Variants in TNIK observed in about 807,000 individuals in gnomAD.
TNIK encodes the protein TRAF2 and NCK interacting kinase.
In TNIK, 49 loss-of-function variants were observed where a neutral mutation model predicts 191.3. The observed-to-expected ratio is 0.26, with a 90% confidence interval of 0.20 to 0.32. TNIK has a LOEUF of 0.32. Ranked by LOEUF, TNIK falls within the 10% of genes least tolerant of loss-of-function variation. The pLI is 1.00. For synonymous variants in TNIK, 594 were observed against 600.9 expected, an observed-to-expected ratio of 0.99 and a Z score of 0.17; for missense variants, 1,155 against 1,702.3, an observed-to-expected ratio of 0.68 and a Z score of 5.66.
intron 2 of TNIK, among the ~76,000 whole-genome samples, chr3:171,333,818 A>T (rs1319851001): frequency 6.6e-6 from 1 of 152,152 alleles, no homozygotes; most frequent in African/African-American, 2.4e-5. Flanking sequence ...CGTGCTCAGC[A>T]CTCAGTTACT....
At chr3:171,123,746 T>G (rs1466830124) in intron 17 of TNIK, 44 bp from the exon 18 acceptor site, 4 of 1,461,094 alleles carry the variant, frequency 2.7e-6, no homozygotes, top group Non-Finnish European at 3.7e-6. Context: ...TAAAGTAGCT[T>G]CCATAGCCTG....
At chr3:171,349,201 C>A (rs1443189194) in intron 2 of TNIK, among the ~76,000 whole-genome samples, 1 of 152,106 alleles carries the variant, frequency 6.6e-6, no homozygotes, top group African/African-American at 2.4e-5. Context: ...ACTTCCACCA[C>A]CAATCTACTG....
chr3:171,210,171 G>A (rs1165743782), intron 4 of TNIK, among the ~76,000 whole-genome samples: 1 of 152,190 alleles, frequency 6.6e-6, no homozygotes, highest in Non-Finnish European at 1.5e-5. Flanking sequence ...AGCGGGGAAG[G>A]AGGGACGGAA....
At chr3:171,264,233 C>T (rs1560341309) in intron 2 of TNIK, among the ~76,000 whole-genome samples, 1 of 151,594 alleles carries the variant, frequency 6.6e-6, no homozygotes, top group Non-Finnish European at 1.5e-5. Context: ...CTATGACCCT[C>T]ACTGAACTTA....
chr3:171,258,102 T>C (rs1421773984), intron 2 of TNIK, among the ~76,000 whole-genome samples: 1 of 152,132 alleles, frequency 6.6e-6, no homozygotes, highest in East Asian at 1.9e-4. Flanking sequence ...TGAAGAATAA[T>C]GACAGCAAAA....
chr3:171,375,833 C>G (rs1479023466), intron 1 of TNIK, among the ~76,000 whole-genome samples: 1 of 152,182 alleles, frequency 6.6e-6, no homozygotes, highest in Non-Finnish European at 1.5e-5. Context: ...TGACACGGAT[C>G]ATGAGCAAAT....
chr3:171,365,927 C>T (rs1447109940), intron 2 of TNIK, among the ~76,000 whole-genome samples: 1 of 152,172 alleles, frequency 6.6e-6, no homozygotes, highest in East Asian at 1.9e-4. Flanking sequence ...CCGTAATAAC[C>T]AATCTATATT....
chr3:171,284,686 TTG>T (rs1279351645), intron 2 of TNIK, among the ~76,000 whole-genome samples: 4 of 152,238 alleles, frequency 2.6e-5, no homozygotes, highest in Non-Finnish European at 5.9e-5. Flanking sequence ...TTTGCCTTTG[TTG>T]TTTCCCTCAA....
chr3:171,396,161 C>T lies in TNIK; in HGVS notation c.58-26476G>A, dbSNP rs570618642. ...AGCAATCAGTCATCTACTTTCTCTA[C>T]GGAGTTCTCTGTCCTGGACATTCCA... On this transcript the variant is annotated intron_variant, in intron 1 of 32. Transcript: ENST00000436636. 2.9e-4 allele frequency among the ~76,000 whole-genome samples: 43 copies of T among 150,158 alleles called. No individual in the cohort carries two copies. In the East Asian group the frequency reaches 4.7e-3, roughly 16 times the overall value.
chr3:171,150,468 C>T (rs1190883020), intron 12 of TNIK, among the ~76,000 whole-genome samples: 2 of 152,256 alleles, frequency 1.3e-5, no homozygotes, highest in African/African-American at 4.8e-5. Context: ...ATGCAAGAAG[C>T]TTGTTATTCA....
chr3:171,449,592 C>A lies in TNIK; in HGVS notation c.57+10415G>T, dbSNP rs996369591. On this transcript the variant is annotated intron_variant, in intron 1 of 32. Coordinates refer to ENST00000436636, the MANE Select transcript of TNIK (RefSeq NM_015028.4). ...TTTAAAAAAAATCTATTTATCCATG[C>A]ATAGGAAAAAACTACTAAGCCATAC... is the stretch of plus-strand genomic sequence containing the variant. 2.7e-3 allele frequency among the ~76,000 whole-genome samples: 413 copies of A among 151,302 alleles called. 4 individuals carry two copies. The highest frequency in any genetic ancestry group is 9.8e-3 in the African/African-American group (398 of 40,784).
intron 2 of TNIK, among the ~76,000 whole-genome samples, chr3:171,299,676 T>A (rs1240290163): frequency 6.6e-6 from 1 of 152,206 alleles, no homozygotes; most frequent in East Asian, 1.9e-4. Context: ...ACAAGTCAGA[T>A]AGGTTTCCCA....
intron 22 of TNIK, among the ~76,000 whole-genome samples, chr3:171,098,589 A>T (rs1008976758): frequency 6.6e-6 from 1 of 152,314 alleles, no homozygotes; most frequent in Middle Eastern, 3.4e-3. Context: ...CAGAAACCAC[A>T]GCTGTTTGTC....
intron 2 of TNIK, among the ~76,000 whole-genome samples, chr3:171,253,777 T>C (rs1029300854): frequency 2.0e-5 from 3 of 152,210 alleles, no homozygotes; most frequent in African/African-American, 7.2e-5. Context: ...CTAGCCACTC[T>C]TTCCCTTAAA....
intron 1 of TNIK, among the ~76,000 whole-genome samples, chr3:171,443,464 A>G (rs1439897456): frequency 1.3e-5 from 2 of 152,196 alleles, no homozygotes; most frequent in East Asian, 3.9e-4. Flanking sequence ...AACTGCTCCA[A>G]ACTTAGTTCC....
chr3:171,258,630 T>C (rs1354338150), intron 2 of TNIK, among the ~76,000 whole-genome samples: 2 of 152,148 alleles, frequency 1.3e-5, no homozygotes, highest in African/African-American at 4.8e-5. Flanking sequence ...CAACTTAAAA[T>C]AGATAAAAAG....
chr3:171,360,212 G>A (rs1010856395), intron 2 of TNIK, among the ~76,000 whole-genome samples: 5 of 152,224 alleles, frequency 3.3e-5, no homozygotes, highest in East Asian at 1.9e-4. Context: ...AAAACCTTGC[G>A]GCTCTGAATT....
intron 2 of TNIK, among the ~76,000 whole-genome samples, chr3:171,237,019 C>A (rs1229015556): frequency 2.0e-5 from 3 of 152,174 alleles, no homozygotes; most frequent in Admixed American, 6.5e-5. Context: ...GGAAGCCAGT[C>A]CACCCACAGT....
At chr3:171,368,194 G>A (rs1716005271) in intron 2 of TNIK, among the ~76,000 whole-genome samples, 1 of 152,162 alleles carries the variant, frequency 6.6e-6, no homozygotes, top group African/African-American at 2.4e-5. Flanking sequence ...GCTGTGAAAT[G>A]TCTCCCAAAT....
Sources: allele counts gnomAD v4.1 joint callset (sites outside exome capture counted in the v4.1 genomes callset), GRCh38; gene constraint gnomAD v4.1.1; transcripts MANE v1.5; gene names NCBI Gene and HGNC (gene_info 2026-07-23, HGNC 2026-07-21).